SNX29: variants seen among roughly 807,000 people sequenced by gnomAD.
SNX29 encodes the protein sorting nexin 29.
Under a neutral mutation model 102.1 loss-of-function variants are expected in SNX29, and 78 were observed. That is an observed-to-expected ratio of 0.76 (90% confidence interval 0.64 to 0.92). SNX29 has a LOEUF of 0.92. SNX29 is among the 40% of genes least tolerant of loss of function. SNX29 has a pLI of 0.00. For synonymous variants in SNX29, 580 were observed against 414.5 expected (o/e 1.40, Z -4.85); for missense variants, 1,280 against 1,061.7 (o/e 1.21, Z -2.86).
At chr16:12,317,608 T>A (rs1229307025) in intron 15 of SNX29, among the ~76,000 whole-genome samples, 1 of 152,220 alleles carries the variant, frequency 6.6e-6, no homozygotes, top group Non-Finnish European at 1.5e-5. Context: ...ACACTCTCAC[T>A]TCCTCACCCT....
At chr16:12,083,335 T>G (rs1047242031) in intron 11 of SNX29, among the ~76,000 whole-genome samples, 1 of 151,396 alleles carries the variant, frequency 6.6e-6, no homozygotes, top group African/African-American at 2.4e-5. Flanking sequence ...CAAAACTTAT[T>G]TTCTTACAGT....
At chr16:12,483,600 C>T (rs1432350632) in intron 19 of SNX29, among the ~76,000 whole-genome samples, 1 of 152,202 alleles carries the variant, frequency 6.6e-6, no homozygotes, top group Non-Finnish European at 1.5e-5. Flanking sequence ...CAGGCGTGAG[C>T]CACCACATCT....
At chr16:12,433,262 C>T (rs546983354) in intron 18 of SNX29, among the ~76,000 whole-genome samples, 4 of 152,262 alleles carry the variant, frequency 2.6e-5, no homozygotes, top group South Asian at 2.1e-4. Flanking sequence ...GTCGATGTAA[C>T]GAGCCTTCTT....
At chr16:12,090,827 C>T (rs2151399761) in intron 11 of SNX29, among the ~76,000 whole-genome samples, 1 of 151,986 alleles carries the variant, frequency 6.6e-6, no homozygotes, top group African/African-American at 2.4e-5. Context: ...CCAGCCTGGC[C>T]AACATGGTGA....
At chr16:12,020,778 C>G (rs1268241918) in intron 3 of SNX29, among the ~76,000 whole-genome samples, 1 of 151,992 alleles carries the variant, frequency 6.6e-6, no homozygotes, top group East Asian at 1.9e-4. Flanking sequence ...CACTCGCCAC[C>G]ATGCTCAGCT....
chr16:12,399,821 G>A lies in SNX29; in HGVS notation c.1955+1320G>A, dbSNP rs139056829. 7.2e-3 allele frequency among the ~76,000 whole-genome samples: 1,095 copies of A among 152,226 alleles called. 8 individuals are homozygous for A. Among genetic ancestry groups the A allele is most frequent in the Middle Eastern group, 0.017 (5 of 294 alleles). ...AAAATCAAAGGTGAATTTGCCTGCT[G>A]TGGGCTTGTGGGCAGGGGGAGCATG... On this transcript the variant is annotated intron_variant, in intron 17 of 20. Coordinates refer to ENST00000566228, the MANE Select transcript of SNX29 (RefSeq NM_032167.5).
chr16:12,574,123 G>A lies in SNX29; in HGVS notation c.*5494G>A, dbSNP rs1392288202. On this transcript the variant is annotated 3_prime_UTR_variant, in exon 21 of 21. Transcript: ENST00000566228. The stretch of plus-strand genomic sequence containing the variant: ...ATCTTAACTACCCTCTTATGTTAAG[G>A]TTTACATAATAGGATTTTTAAACAA... 5.4e-6 allele frequency: 1 copy of A among 184,454 alleles called. No homozygotes were observed. Among genetic ancestry groups the A allele is most frequent in the African/African-American group, 2.3e-5 (1 of 42,620 alleles). The allele number at this position is 184,454 out of a possible 1,614,324, so 11.4% of individuals were successfully genotyped here. A position where few individuals can be genotyped will look rare whatever the true frequency, so the allele number is the denominator to read the frequency against.
At chr16:12,212,863 C>T (rs959254488) in intron 14 of SNX29, among the ~76,000 whole-genome samples, 3 of 152,182 alleles carry the variant, frequency 2.0e-5, no homozygotes, top group African/African-American at 4.8e-5. Context: ...CCGGTAATCC[C>T]AGCACTTTGG....
chr16:12,486,637 C>A (rs747912348), intron 19 of SNX29, among the ~76,000 whole-genome samples: 3 of 152,232 alleles, frequency 2.0e-5, no homozygotes, highest in Non-Finnish European at 2.9e-5. Context: ...TGTAGAGGAT[C>A]CTGGAGGCTG....
At chr16:12,488,629 C>G (rs769009326) in intron 19 of SNX29, among the ~76,000 whole-genome samples, 6 of 152,196 alleles carry the variant, frequency 3.9e-5, no homozygotes, top group Admixed American at 6.5e-5. Flanking sequence ...AATTTCCTTT[C>G]TCCCTCGTCC....
intron 16 of SNX29, among the ~76,000 whole-genome samples, chr16:12,358,511 A>G (rs2082207039): frequency 6.6e-6 from 1 of 151,280 alleles, no homozygotes; most frequent in South Asian, 2.1e-4. Context: ...AATCTCTCTG[A>G]CCTTCTCCTG....
intron 4 of SNX29, among the ~76,000 whole-genome samples, chr16:12,034,745 T>TG (rs1567548826): frequency 2.6e-5 from 4 of 152,218 alleles, no homozygotes; most frequent in Non-Finnish European, 5.9e-5. Flanking sequence ...AAATTAAGAC[T>TG]CAGGCTTGTA....
chr16:12,345,342 C>G (rs139639558), intron 15 of SNX29, among the ~76,000 whole-genome samples: 2 of 152,292 alleles, frequency 1.3e-5, no homozygotes, highest in East Asian at 3.9e-4. Context: ...TCAGTTTCCT[C>G]CCATATAAAA....
Position 12,558,362 on chromosome 16 carries a change from C to T in SNX29, c.2319-10144C>T, listed in dbSNP as rs544517117. Among the ~76,000 whole-genome samples the T allele has an allele frequency of 9.8e-5, 15 of 152,304 alleles. 1 individual carries two copies. Among genetic ancestry groups the T allele is most frequent in the African/African-American group, 3.6e-4 (15 of 41,554 alleles). On this transcript the variant is annotated intron_variant, in intron 20 of 20. Coordinates refer to ENST00000566228, the MANE Select transcript of SNX29 (RefSeq NM_032167.5). ...AAAGAGGCCCCCTCAGCATCACAGC[C>T]ATTGGTAACCATCGGAATTTTACAT... is the stretch of plus-strand genomic sequence containing the variant.
chr16:12,438,144 C>T (rs2151656996), intron 18 of SNX29, among the ~76,000 whole-genome samples: 1 of 151,838 alleles, frequency 6.6e-6, no homozygotes, highest in East Asian at 1.9e-4. Context: ...GGTGAGGGGG[C>T]AGGAGTAGGG....
rs923500746 is a variant in SNX29, at chr16:12,573,752, A to G, written c.*5123A>G. 12 of 223,040 alleles carry G rather than the reference A, an allele frequency of 5.4e-5. No homozygotes were observed. The highest frequency in any genetic ancestry group is 9.0e-5 in the Non-Finnish European group (10 of 111,648). 13.8% of individuals were successfully genotyped at this position (223,040 alleles called of 1,614,324 possible). On this transcript the variant is annotated 3_prime_UTR_variant, in exon 21 of 21. Coordinates refer to ENST00000566228, the MANE Select transcript of SNX29 (RefSeq NM_032167.5). ...GGATCGTACATTTGCACCCAGAGCT[A>G]CTAAACGCTCAGTGACCCCAGAGAC...
At chr16:12,343,703 G>C (rs1170476277) in intron 15 of SNX29, among the ~76,000 whole-genome samples, 2 of 150,440 alleles carry the variant, frequency 1.3e-5, no homozygotes, top group Admixed American at 1.3e-4. Context: ...GAGATAGGGA[G>C]CTCTGTGAGG....
Position 12,421,312 on chromosome 16 carries a change from C to A in SNX29, c.2037+17783C>A, listed in dbSNP as rs564262404. Among the ~76,000 whole-genome samples the A allele has an allele frequency of 5.9e-5, 9 of 152,254 alleles. No homozygotes were observed. The South Asian group carries it at 1.7e-3, about 28-fold the overall frequency. On this transcript the variant is annotated intron_variant, in intron 18 of 20. Coordinates refer to ENST00000566228, the MANE Select transcript of SNX29 (RefSeq NM_032167.5). The stretch of plus-strand genomic sequence containing the variant: ...GGAAATTCAGAGTAGGCTGCTCTGC[C>A]CTTTAACAAGTCCAGACAAAGATTT...
At chr16:12,205,773 C>G (rs2077030712) in intron 14 of SNX29, among the ~76,000 whole-genome samples, 1 of 152,248 alleles carries the variant, frequency 6.6e-6, no homozygotes, top group Non-Finnish European at 1.5e-5. Flanking sequence ...GATTTTCTTG[C>G]TTGTTTCTTC....
Sources: gnomAD v4.1 joint callset for allele counts (sites outside exome capture counted in the v4.1 genomes callset) on GRCh38, gnomAD v4.1.1 for gene constraint, MANE v1.5 for transcripts, NCBI Gene and HGNC (gene_info 2026-07-23, HGNC 2026-07-21) for gene names.